Variants in STIM1 observed in about 807,000 individuals in gnomAD.
The protein encoded by STIM1 is stromal interaction molecule 1.
Under a neutral mutation model 74.7 loss-of-function variants are expected in STIM1, and 25 were observed. The observed-to-expected ratio is 0.33, with a 90% confidence interval of 0.24 to 0.47. STIM1 has a LOEUF of 0.47. Ranked by LOEUF, STIM1 falls within the 20% of genes least tolerant of loss-of-function variation. STIM1 has a pLI of 1.00. For missense variants in STIM1, 728 were observed against 920.8 expected (o/e 0.79, Z 2.71); for synonymous variants, 328 against 348.8 (o/e 0.94, Z 0.66).
At chr11:3,904,546 A>G (rs7929653) in intron 1 of STIM1, among the ~76,000 whole-genome samples, 76,617 of 151,912 alleles carry the variant, frequency 0.5, 20,179 homozygotes, top group Middle Eastern at 0.6. Context: ...GTGTGACATG[A>G]CCAGAGTGTT....
chr11:4,062,068 G>C (rs2094334769), intron 5 of STIM1, among the ~76,000 whole-genome samples: 1 of 152,138 alleles, frequency 6.6e-6, no homozygotes, highest in Admixed American at 6.5e-5. Flanking sequence ...AGAGGTAGTG[G>C]TTGCATAACA....
chr11:4,009,536 G>A (rs970292568), intron 2 of STIM1, among the ~76,000 whole-genome samples: 1 of 151,202 alleles, frequency 6.6e-6, no homozygotes, highest in Admixed American at 6.6e-5. Flanking sequence ...TGAACCCGGC[G>A]GGCAGAGGTT....
At position 4,086,503 on chromosome 11, in the gene STIM1, C is replaced by T. The variant is rs753214223; in HGVS notation, c.1594C>T (p.Gln532Ter). The change falls in exon 12 of 13, where the codon CAG becomes TAG. Residue 532 changes from glutamine to a stop codon, truncating the protein, a stop_gained. Transcript: ENST00000526596. LOFTEE classifies it high-confidence loss of function. ...PAPSLQSSVRQRLTEPQHGLG... is the reference protein window; with the variant it reads ...PAPSLQSSVR ...CCCTAGCCTGCAGAGCAGTGTTCGG[C>T]AGCGCCTGACGGAGCCACAGCATGG... 3.1e-6 allele frequency: 5 copies of T among 1,614,156 alleles called. No homozygotes were observed. Among genetic ancestry groups the T allele is most frequent in the Admixed American group, 1.7e-5 (1 of 60,014 alleles).
intron 1 of STIM1, among the ~76,000 whole-genome samples, chr11:3,871,404 C>G (rs1253549776): frequency 6.6e-6 from 1 of 152,042 alleles, no homozygotes; most frequent in African/African-American, 2.4e-5. Context: ...GTTTAGTACA[C>G]AAGTTCCTAA....
chr11:3,903,225 C>T (rs544432127), intron 1 of STIM1, among the ~76,000 whole-genome samples: 4 of 152,194 alleles, frequency 2.6e-5, no homozygotes, highest in African/African-American at 4.8e-5. Flanking sequence ...AGGTGGGATT[C>T]GGGCCCAGGT....
At chr11:3,863,748 A>C (rs2090734102) in intron 1 of STIM1, among the ~76,000 whole-genome samples, 1 of 152,060 alleles carries the variant, frequency 6.6e-6, no homozygotes, top group African/African-American at 2.4e-5. Flanking sequence ...TAGCCATCTT[A>C]GGGATCAGAT....
intron 1 of STIM1, among the ~76,000 whole-genome samples, chr11:3,895,724 T>TTCTC (rs1439910476): frequency 2.5e-5 from 1 of 40,546 alleles, no homozygotes; most frequent in African/African-American, 1.6e-4. Context: ...CTTTCTTTCT[T>TTCTC]TCTTTCTTTC....
intron 3 of STIM1, among the ~76,000 whole-genome samples, chr11:4,049,775 G>A (rs933027038): frequency 1.3e-5 from 2 of 149,110 alleles, no homozygotes; most frequent in African/African-American, 2.5e-5. Context: ...TGCTTAGAAC[G>A]TGAATGATGG....
chr11:3,947,427 T>A (rs1272514161), intron 1 of STIM1: 1 of 152,204 alleles, frequency 6.6e-6, no homozygotes, highest in Non-Finnish European at 1.5e-5. Context: ...AGGGTTCAAT[T>A]TCCTCCTCTC....
At chr11:4,089,375 G>A (rs2094510879) in intron 12 of STIM1, among the ~76,000 whole-genome samples, 2 of 152,142 alleles carry the variant, frequency 1.3e-5, no homozygotes, top group African/African-American at 4.8e-5. Context: ...CAGCTTAGAG[G>A]ACCCTTTTTC....
intron 2 of STIM1, among the ~76,000 whole-genome samples, chr11:3,986,330 G>T (rs2093557831): frequency 6.6e-6 from 1 of 152,176 alleles, no homozygotes. Context: ...CATGGGGAGG[G>T]GGCTGAGCAT....
intron 1 of STIM1, among the ~76,000 whole-genome samples, chr11:3,882,505 G>C (rs1253331400): frequency 6.6e-6 from 1 of 151,986 alleles, no homozygotes; most frequent in Non-Finnish European, 1.5e-5. Flanking sequence ...CCACCTTTTG[G>C]CTCTTGTGGA....
intron 1 of STIM1, among the ~76,000 whole-genome samples, chr11:3,870,915 C>T (rs1363882169): frequency 6.8e-6 from 1 of 146,264 alleles, no homozygotes; most frequent in Non-Finnish European, 1.5e-5. Flanking sequence ...GCTCTGTCGC[C>T]AGGCTGGAGT....
chr11:3,904,216 A>G (rs1039731932), intron 1 of STIM1, among the ~76,000 whole-genome samples: 61 of 149,118 alleles, frequency 4.1e-4, no homozygotes, highest in Admixed American at 6.7e-4. Context: ...AAAAAAAAAA[A>G]AAAGAAAATA....
chr11:4,074,512 G>A lies in STIM1; in HGVS notation c.802G>A (p.Ala268Thr). 3.1e-6 allele frequency: 5 copies of A among 1,613,702 alleles called. No homozygotes were observed. The highest frequency in any genetic ancestry group is 4.2e-6 in the Non-Finnish European group (5 of 1,179,992). Residue 268 changes from alanine to threonine, a missense_variant, in exon 7 of 13, where the codon GCC (alanine) becomes ACC (threonine). Ala to Thr is a moderately conservative substitution (Grantham distance 58). This residue lies in a region of STIM1 where 131 missense variants were observed against 235.9 expected (regional missense o/e 0.56). Transcript: ENST00000526596. ...GCATTGCCCCCCCAGGCTGCACAAG[G>A]CCCAGGAGGAGCACCGCACAGTGGA... Reference protein sequence around the residue: ...LHDLQERLHKAQEEHRTVEVE... With the variant: ...LHDLQERLHKTQEEHRTVEVE...
At chr11:3,931,538 T>A (rs1225999855) in intron 1 of STIM1, among the ~76,000 whole-genome samples, 2 of 152,160 alleles carry the variant, frequency 1.3e-5, no homozygotes, top group East Asian at 3.8e-4. Flanking sequence ...CCCTTGAGTG[T>A]TTGGTCCATC....
chr11:4,002,908 C>T (rs2093734453), intron 2 of STIM1, among the ~76,000 whole-genome samples: 1 of 133,418 alleles, frequency 7.5e-6, no homozygotes, highest in African/African-American at 2.6e-5. Flanking sequence ...AAGGGGATAT[C>T]ACCACCTATC....
chr11:3,921,510 C>G (rs983461931), intron 1 of STIM1, among the ~76,000 whole-genome samples: 2 of 152,174 alleles, frequency 1.3e-5, no homozygotes, highest in Non-Finnish European at 2.9e-5. Context: ...ATCATGCTAA[C>G]CAGACAGCAT....
At chr11:3,993,001 A>G (rs985744480) in intron 2 of STIM1, among the ~76,000 whole-genome samples, 2 of 152,090 alleles carry the variant, frequency 1.3e-5, no homozygotes, top group Non-Finnish European at 2.9e-5. Context: ...CCAAGTCTCA[A>G]TAGTCTCCTA....
Sources: allele counts gnomAD v4.1 joint callset (sites outside exome capture counted in the v4.1 genomes callset), GRCh38; gene constraint gnomAD v4.1.1; regional missense constraint gnomAD v4.1.1; transcripts MANE v1.5; gene names NCBI Gene and HGNC (gene_info 2026-07-23, HGNC 2026-07-21).